EHBP1: variants seen among roughly 807,000 people sequenced by gnomAD.
EHBP1 encodes the protein EH domain-binding protein 1.
EHBP1 carries 55 observed loss-of-function variants against 144.0 expected under a neutral mutation model. The ratio of observed to expected loss-of-function variants is 0.38; its 90% CI spans 0.31 to 0.48. The LOEUF is 0.48. Among genes scored for constraint, EHBP1 ranks in the 20% least tolerant of loss-of-function variants. The pLI is 0.98. For missense variants in EHBP1, 1,200 were observed against 1,364.2 expected, an observed-to-expected ratio of 0.88 and a Z score of 1.90; for synonymous variants, 469 against 472.7, an observed-to-expected ratio of 0.99 and a Z score of 0.10.
intron 5 of EHBP1, among the ~76,000 whole-genome samples, chr2:62,816,871 C>G (rs898500816): frequency 5.9e-5 from 9 of 152,172 alleles, no homozygotes; most frequent in Non-Finnish European, 1.0e-4. Context: ...CTATTTTGCT[C>G]CATTTCTCCA....
At chr2:62,748,488 T>C (rs1243277532) in intron 3 of EHBP1, among the ~76,000 whole-genome samples, 1 of 151,904 alleles carries the variant, frequency 6.6e-6, no homozygotes, top group Non-Finnish European at 1.5e-5. Context: ...ACCCCATATC[T>C]ACAAAAACAA....
chr2:62,908,555 A>G (rs1017834274), intron 10 of EHBP1, among the ~76,000 whole-genome samples: 7 of 152,114 alleles, frequency 4.6e-5, no homozygotes, highest in Non-Finnish European at 8.8e-5. Flanking sequence ...GGTGTTCAGT[A>G]TTATATATAT....
At chr2:62,906,418 T>C (rs1404614950) in intron 10 of EHBP1, among the ~76,000 whole-genome samples, 5 of 152,198 alleles carry the variant, frequency 3.3e-5, no homozygotes. Context: ...AAAGTTATCT[T>C]GGCTATTTTA....
intron 2 of EHBP1, among the ~76,000 whole-genome samples, chr2:62,736,385 G>A (rs556005101): frequency 3.3e-5 from 5 of 151,868 alleles, no homozygotes; most frequent in African/African-American, 7.2e-5. Flanking sequence ...CACCATACCC[G>A]GCTAATTTTT....
At chr2:62,924,769 C>T (rs570227239) in intron 10 of EHBP1, among the ~76,000 whole-genome samples, 1 of 152,244 alleles carries the variant, frequency 6.6e-6, no homozygotes, top group East Asian at 1.9e-4. Context: ...TTCTACCCAA[C>T]CCTTAAAGAA....
At chr2:62,679,118 T>A (rs1255179006) in intron 1 of EHBP1, among the ~76,000 whole-genome samples, 1 of 152,224 alleles carries the variant, frequency 6.6e-6, no homozygotes, top group Non-Finnish European at 1.5e-5. Flanking sequence ...TTGTATTTTA[T>A]CAGCATAATC....
At chr2:62,883,591 T>C (rs184569471) in intron 10 of EHBP1, among the ~76,000 whole-genome samples, 7 of 152,306 alleles carry the variant, frequency 4.6e-5, no homozygotes, top group Non-Finnish European at 8.8e-5. Flanking sequence ...TAGCCGTCTA[T>C]AGTCCCAGCT....
rs533519289 is a variant in EHBP1 at position 62,903,688 on chromosome 2, C to T, written c.1185+29156C>T. Among the ~76,000 whole-genome samples the T allele has an allele frequency of 2.6e-4, 39 of 152,160 alleles. No homozygotes were observed. In the South Asian group the frequency reaches 7.9e-3, roughly 31 times the overall value. ...GGCTGAGGCTAGAGGATTGCTTGAG[C>T]CCAGGAGGTCAGGGCTGCAGTGAAC... On this transcript the variant is annotated intron_variant, in intron 10 of 22. Coordinates refer to ENST00000431489, the MANE Select transcript of EHBP1 (RefSeq NM_001142616.3).
chr2:62,807,133 G>A (rs2044578562), intron 5 of EHBP1, among the ~76,000 whole-genome samples: 1 of 152,156 alleles, frequency 6.6e-6, no homozygotes, highest in Non-Finnish European at 1.5e-5. Flanking sequence ...TTGTGTATAA[G>A]TGGATCCACA....
At chr2:62,866,335 A>G (rs2050035689) in intron 9 of EHBP1, among the ~76,000 whole-genome samples, 1 of 152,248 alleles carries the variant, frequency 6.6e-6, no homozygotes, top group Non-Finnish European at 1.5e-5. Context: ...TGAAATTCAT[A>G]CTGTATGACA....
chr2:63,022,097 C>T (rs2153281667), intron 19 of EHBP1, among the ~76,000 whole-genome samples: 1 of 152,114 alleles, frequency 6.6e-6, no homozygotes, highest in East Asian at 1.9e-4. Context: ...AATACGGATG[C>T]TAATGTATAG....
chr2:63,025,746 A>G (rs2060947363), intron 19 of EHBP1, among the ~76,000 whole-genome samples: 1 of 152,230 alleles, frequency 6.6e-6, no homozygotes, highest in Admixed American at 6.5e-5. Flanking sequence ...GCAACTGAAC[A>G]TATCCTGGGG....
At chr2:62,832,117 T>C (rs560552983) in intron 7 of EHBP1, among the ~76,000 whole-genome samples, 74 of 152,342 alleles carry the variant, frequency 4.9e-4, no homozygotes, top group Non-Finnish European at 9.1e-4. Flanking sequence ...TAATTTGTGA[T>C]TGCAATTTTG....
At chr2:62,816,964 G>A (rs1250276586) in intron 5 of EHBP1, among the ~76,000 whole-genome samples, 8 of 152,118 alleles carry the variant, frequency 5.3e-5, no homozygotes, top group Non-Finnish European at 1.0e-4. Context: ...GAAACAGACT[G>A]TACAGTTCTT....
At chr2:62,968,849 G>A (rs2058364178) in intron 14 of EHBP1, among the ~76,000 whole-genome samples, 1 of 152,118 alleles carries the variant, frequency 6.6e-6, no homozygotes, top group South Asian at 2.1e-4. Context: ...GCTCACACTG[G>A]GTTTTAAGCT....
intron 10 of EHBP1, among the ~76,000 whole-genome samples, chr2:62,934,912 G>A (rs2056261920): frequency 6.6e-6 from 1 of 152,130 alleles, no homozygotes; most frequent in South Asian, 2.1e-4. Flanking sequence ...TTAGGAGAAG[G>A]TAAACTTGAG....
At chr2:63,000,301 G>C (rs906296353) in intron 19 of EHBP1, among the ~76,000 whole-genome samples, 13 of 152,140 alleles carry the variant, frequency 8.5e-5, no homozygotes, top group Non-Finnish European at 1.6e-4. Flanking sequence ...TTATATGTCT[G>C]GTTCCTTCTA....
intron 2 of EHBP1, among the ~76,000 whole-genome samples, chr2:62,721,524 C>G (rs1309379587): frequency 1.3e-5 from 2 of 152,176 alleles, no homozygotes; most frequent in Non-Finnish European, 2.9e-5. Flanking sequence ...AGAATTTGAA[C>G]ATATGTTACA....
At chr2:62,953,464 G>A (rs1016503995) in intron 13 of EHBP1, among the ~76,000 whole-genome samples, 3 of 151,752 alleles carry the variant, frequency 2.0e-5, no homozygotes, top group African/African-American at 7.3e-5. Flanking sequence ...TAAGAGGATC[G>A]CTTGGGCCTG....
Sources: gnomAD v4.1 joint callset for allele counts (sites outside exome capture counted in the v4.1 genomes callset) on GRCh38, gnomAD v4.1.1 for gene constraint, MANE v1.5 for transcripts, NCBI Gene and HGNC (gene_info 2026-07-23, HGNC 2026-07-21) for gene names.